NFKB1: variants seen among roughly 807,000 people sequenced by gnomAD.
The protein encoded by NFKB1 is nuclear factor NF-kappa-B p105 subunit.
A neutral mutation model predicts 105.1 loss-of-function variants in NFKB1; 9 were observed. The ratio of observed to expected loss-of-function variants is 0.09; its 90% CI spans 0.05 to 0.15. NFKB1 has a LOEUF of 0.15. Ranked by LOEUF, NFKB1 falls within the 10% of genes least tolerant of loss-of-function variation. The pLI, the probability that NFKB1 is intolerant of heterozygous loss-of-function variation, is 1.00. For missense variants in NFKB1, 830 were observed against 1,203.7 expected (o/e 0.69, Z 4.59); for synonymous variants, 440 against 442.2 (o/e 1.00, Z 0.06).
chr4:102,570,291 A>G (rs1218049405), intron 6 of NFKB1, among the ~76,000 whole-genome samples: 1 of 152,156 alleles, frequency 6.6e-6, no homozygotes, highest in African/African-American at 2.4e-5. Flanking sequence ...GCTCCCACTT[A>G]CAAGTGAGAA....
Position 102,616,696 on chromosome 4 carries a change from C to G in NFKB1, c.*102C>G. ...GTGCATCCAAAGGTGCTCAGAGAGC[C>G]GGCCCGCCTGAATCATTCTCGATTT... On this transcript the variant is annotated 3_prime_UTR_variant, in exon 24 of 24. Coordinates refer to ENST00000226574, the MANE Select transcript of NFKB1 (RefSeq NM_003998.4). 8.4e-7 allele frequency: 1 copy of G among 1,196,796 alleles called. No individual in the cohort carries two copies. The highest frequency in any genetic ancestry group is 1.5e-5 in the African/African-American group (1 of 65,786). 74.1% of individuals were successfully genotyped at this position (1,196,796 alleles called of 1,614,324 possible).
At chr4:102,601,048 T>C in intron 16 of NFKB1, 39 bp downstream of exon 16, 2 of 1,266,638 alleles carry the variant, frequency 1.6e-6, no homozygotes, top group Non-Finnish European at 2.3e-6. Flanking sequence ...AAGAAAAATC[T>C]GTAGTTTACT....
intron 5 of NFKB1, among the ~76,000 whole-genome samples, chr4:102,560,943 G>A (rs1309606975): frequency 6.6e-6 from 1 of 151,876 alleles, no homozygotes; most frequent in Non-Finnish European, 1.5e-5. Context: ...TTGTGTAGAT[G>A]TAGAGCTTAA....
chr4:102,504,619 T>G (rs1026249722), intron 1 of NFKB1, among the ~76,000 whole-genome samples: 1 of 152,202 alleles, frequency 6.6e-6, no homozygotes, highest in African/African-American at 2.4e-5. Flanking sequence ...TGGTAAACAG[T>G]AGACCATACT....
chr4:102,540,254 C>G (rs996716444), intron 5 of NFKB1, among the ~76,000 whole-genome samples: 1 of 152,130 alleles, frequency 6.6e-6, no homozygotes, highest in Admixed American at 6.6e-5. Flanking sequence ...AAACACATGG[C>G]ATTAACTTTC....
At chr4:102,573,554 G>A (rs373714050) in intron 6 of NFKB1, among the ~76,000 whole-genome samples, 3 of 151,848 alleles carry the variant, frequency 2.0e-5, no homozygotes, top group South Asian at 2.1e-4. Flanking sequence ...GGGGTTCATC[G>A]AGATCCTTAG....
chr4:102,537,860 A>G lies in NFKB1; in HGVS notation c.162A>G (p.Arg54=). 1 of 1,597,416 alleles carries G rather than the reference A, an allele frequency of 6.3e-7. No individual in the cohort carries two copies. The change falls in exon 5 of 24, where the codon AGA becomes AGG. Residue 54 remains arginine (R), a splice_region_variant and synonymous_variant. Coordinates refer to ENST00000226574, the MANE Select transcript of NFKB1 (RefSeq NM_003998.4). ...YLQILEQPKQ[R]GFRFRYVCEG... Reference sequence around the variant, plus strand: ...TGGCTTAACGTTCACCTTTGCAGAGAGGATTTCGTTTCCGTTATGTATGTG... The same window carrying G: ...TGGCTTAACGTTCACCTTTGCAGAGGGGATTTCGTTTCCGTTATGTATGTG...
intron 6 of NFKB1, among the ~76,000 whole-genome samples, chr4:102,575,157 A>G (rs975518201): frequency 1.3e-5 from 2 of 152,210 alleles, no homozygotes; most frequent in East Asian, 3.8e-4. Context: ...GATACTTATT[A>G]AACACTCATA....
chr4:102,569,363 A>G (rs1724132151), intron 6 of NFKB1, among the ~76,000 whole-genome samples: 1 of 152,140 alleles, frequency 6.6e-6, no homozygotes. Context: ...GGCTGTTTAC[A>G]TCTCCAGAAT....
rs930737698 is a variant in NFKB1 at position 102,590,983 on chromosome 4, C to T, written c.1067-2442C>T. On this transcript the variant is annotated intron_variant, in intron 11 of 23. Coordinates refer to ENST00000226574, the MANE Select transcript of NFKB1 (RefSeq NM_003998.4). ...AGCCTAATCCAGAGAAAGGCCTTAA[C>T]TCTCTTCAATTCTATGATGGCTTAG... 6.6e-5 allele frequency among the ~76,000 whole-genome samples: 10 copies of T among 152,170 alleles called. 1 individual carries two copies. Among genetic ancestry groups the T allele is most frequent in the Admixed American group, 5.9e-4 (9 of 15,276 alleles).
chr4:102,555,358 G>A (rs981630108), intron 5 of NFKB1, among the ~76,000 whole-genome samples: 3 of 152,074 alleles, frequency 2.0e-5, no homozygotes, highest in Admixed American at 6.6e-5. Flanking sequence ...GTAGGTACTG[G>A]TTCTGTTCTA....
intron 6 of NFKB1, among the ~76,000 whole-genome samples, chr4:102,572,405 A>C (rs948981007): frequency 2.0e-5 from 3 of 152,308 alleles, no homozygotes; most frequent in African/African-American, 7.2e-5. Context: ...GCAGCACACC[A>C]ACATGGCACG....
chr4:102,554,765 G>A (rs573824413), intron 5 of NFKB1, among the ~76,000 whole-genome samples: 1 of 152,170 alleles, frequency 6.6e-6, no homozygotes, highest in African/African-American at 2.4e-5. Flanking sequence ...CAGCAGCCAG[G>A]GCAGTACATC....
intron 5 of NFKB1, among the ~76,000 whole-genome samples, chr4:102,544,515 A>G (rs1003051619): frequency 6.6e-6 from 1 of 152,178 alleles, no homozygotes; most frequent in Non-Finnish European, 1.5e-5. Flanking sequence ...AGAGAAGGCA[A>G]TTCATTGAAC....
chr4:102,515,104 A>ATTTTTTT lies in NFKB1; in HGVS notation c.-7-10406_-7-10405insTTTTTTT, dbSNP rs761237095. ...AGTTCCATGTAATATTATTATTATT[A>ATTTTTTT]TTATTTTTTTTTTTTTTTTTTTTTG... is the stretch of plus-strand genomic sequence containing the variant. On this transcript the variant is annotated intron_variant, in intron 1 of 23. Coordinates refer to ENST00000226574, the MANE Select transcript of NFKB1 (RefSeq NM_003998.4). Among the ~76,000 whole-genome samples, 140 of 113,404 alleles carry ATTTTTTT rather than the reference A, an allele frequency of 1.2e-3. 5 individuals are homozygous for ATTTTTTT. Among genetic ancestry groups the ATTTTTTT allele is most frequent in the East Asian group, 7.4e-3 (28 of 3,788 alleles). The allele number at this position is 113,404 out of a possible 152,430, so 74.4% of individuals were successfully genotyped here.
intron 1 of NFKB1, among the ~76,000 whole-genome samples, chr4:102,518,453 A>G (rs1217988428): frequency 1.3e-5 from 2 of 152,152 alleles, no homozygotes; most frequent in Non-Finnish European, 2.9e-5. Flanking sequence ...ACAAAGTGTG[A>G]TCACTGAATT....
chr4:102,546,289 G>GA (rs747796330), intron 5 of NFKB1, among the ~76,000 whole-genome samples: 35 of 145,552 alleles, frequency 2.4e-4, no homozygotes, highest in African/African-American at 4.0e-4. Flanking sequence ...TGGACTGAAG[G>GA]AAAAAAAAAA....
At chr4:102,536,901 A>G (rs1409099735) in intron 4 of NFKB1, among the ~76,000 whole-genome samples, 1 of 152,246 alleles carries the variant, frequency 6.6e-6, no homozygotes, top group Admixed American at 6.5e-5. Flanking sequence ...TAACACTACC[A>G]CAAATTGATT....
At chr4:102,582,698 A>G (rs937083456) in intron 9 of NFKB1, among the ~76,000 whole-genome samples, 168 bp from the exon 10 acceptor site, 9 of 152,194 alleles carry the variant, frequency 5.9e-5, no homozygotes, top group Admixed American at 5.9e-4. Context: ...AAATAATGAA[A>G]AAAGTCAGTG....
Sources: gnomAD v4.1 joint callset for allele counts (sites outside exome capture counted in the v4.1 genomes callset) on GRCh38, gnomAD v4.1.1 for gene constraint, MANE v1.5 for transcripts, NCBI Gene and HGNC (gene_info 2026-07-23, HGNC 2026-07-21) for gene names.